GAN: variants seen among roughly 807,000 people sequenced by gnomAD.
The protein encoded by GAN is epididymis secretory sperm binding protein.
GAN carries 48 observed loss-of-function variants against 71.3 expected under a neutral mutation model. The ratio of observed to expected loss-of-function variants is 0.67; its 90% CI spans 0.53 to 0.86. The LOEUF is 0.86. Ranked by LOEUF, GAN falls within the 40% of genes least tolerant of loss-of-function variation. GAN has a pLI of 0.00. For missense variants in GAN, 928 were observed against 770.1 expected, an observed-to-expected ratio of 1.21 and a Z score of -2.43; for synonymous variants, 386 against 276.8, an observed-to-expected ratio of 1.39 and a Z score of -3.92.
intron 9 of GAN, chr16:81,371,850 C>A (rs1050866602): frequency 6.6e-6 from 1 of 152,212 alleles, no homozygotes; most frequent in Non-Finnish European, 1.5e-5. Context: ...ATTAACTTTC[C>A]ATTTCTTTCC....
chr16:81,350,980 C>G (rs1307640750), intron 1 of GAN, among the ~76,000 whole-genome samples: 5 of 152,120 alleles, frequency 3.3e-5, no homozygotes, highest in African/African-American at 1.2e-4. Flanking sequence ...ATATGCACAC[C>G]TCTATAAAAT....
At chr16:81,363,428 C>T (rs1222412594) in intron 6 of GAN, among the ~76,000 whole-genome samples, 1 of 152,158 alleles carries the variant, frequency 6.6e-6, no homozygotes, top group Non-Finnish European at 1.5e-5. Context: ...AGAAGCATTA[C>T]CGGAGAAATG....
intron 1 of GAN, among the ~76,000 whole-genome samples, chr16:81,334,934 T>C (rs944702340): frequency 6.6e-6 from 1 of 152,186 alleles, no homozygotes; most frequent in African/African-American, 2.4e-5. Flanking sequence ...GGTATGGGGA[T>C]AGAGCAGGAA....
intron 9 of GAN, among the ~76,000 whole-genome samples, chr16:81,374,704 C>A (rs1271379984): frequency 6.6e-6 from 1 of 152,204 alleles, no homozygotes; most frequent in South Asian, 2.1e-4. Context: ...TGACACACCC[C>A]CATCCTTTTT....
At chr16:81,373,880 C>T (rs555296270) in intron 9 of GAN, among the ~76,000 whole-genome samples, 2 of 152,226 alleles carry the variant, frequency 1.3e-5, no homozygotes, top group African/African-American at 2.4e-5. Context: ...GTAGCTGGGA[C>T]TACAGGCACG....
At chr16:81,343,744 C>G (rs1471696471) in intron 1 of GAN, among the ~76,000 whole-genome samples, 1 of 152,150 alleles carries the variant, frequency 6.6e-6, no homozygotes, top group Non-Finnish European at 1.5e-5. Flanking sequence ...TCCTATTCAA[C>G]ATAGTATTGG....
chr16:81,334,914 C>T (rs1027380569), intron 1 of GAN, among the ~76,000 whole-genome samples: 1 of 152,140 alleles, frequency 6.6e-6, no homozygotes, highest in African/African-American at 2.4e-5. Context: ...TGGTCAGTAC[C>T]ATTTTATTTG....
At chr16:81,321,322 A>C (rs894978712) in intron 1 of GAN, among the ~76,000 whole-genome samples, 1 of 152,234 alleles carries the variant, frequency 6.6e-6, no homozygotes, top group Admixed American at 6.5e-5. Context: ...TGATAGGAGT[A>C]AAACCTAGCT....
At chr16:81,354,282 C>A in intron 2 of GAN, 123 bp from the exon 3 acceptor site, 4 of 712,974 alleles carry the variant, frequency 5.6e-6, no homozygotes, top group Middle Eastern at 2.9e-4. Context: ...TATGAAATTG[C>A]CAATATTCGA....
intron 9 of GAN, 121 bp downstream of exon 9, chr16:81,365,599 T>C: frequency 1.1e-6 from 1 of 940,294 alleles, no homozygotes; most frequent in South Asian, 1.3e-5. Flanking sequence ...GGAGATAACG[T>C]CTCATGCATA....
intron 1 of GAN, among the ~76,000 whole-genome samples, chr16:81,324,953 A>G (rs750340163): frequency 6.6e-6 from 1 of 152,202 alleles, no homozygotes; most frequent in Non-Finnish European, 1.5e-5. Context: ...GGAGGCGGAC[A>G]CAGCAGCTGG....
rs767483792 is a variant in GAN at position 81,354,587 on chromosome 16, A to G, written c.465A>G (p.Glu155=). ...ATCACGTTCATTACCTTGCCACAGA[A>G]TACCTGGAGACTCATTTCCGAGACG... is the stretch of plus-strand genomic sequence containing the variant. ...CLHHVHYLAT[E]YLETHFRDVS... is the part of the protein sequence containing the mutation. The change falls in exon 3 of 11, where the codon GAA becomes GAG. Residue 155 remains glutamate, a synonymous_variant. Transcript: ENST00000648994. The G allele has an allele frequency of 2.5e-6, 4 of 1,614,064 alleles. No homozygotes were observed. Among genetic ancestry groups the G allele is most frequent in the South Asian group, 1.1e-5 (1 of 91,088 alleles).
At chr16:81,371,245 C>G (rs987727424) in intron 9 of GAN, among the ~76,000 whole-genome samples, 1 of 152,142 alleles carries the variant, frequency 6.6e-6, no homozygotes, top group South Asian at 2.1e-4. Flanking sequence ...CTGAGCATCA[C>G]TGTGGTAGTT....
chr16:81,333,522 G>C (rs575880433), intron 1 of GAN, among the ~76,000 whole-genome samples: 1 of 152,236 alleles, frequency 6.6e-6, no homozygotes, highest in Admixed American at 6.5e-5. Flanking sequence ...TAGCCTGGGG[G>C]GAAAAGGATT....
chr16:81,359,002 A>G (rs955979280), intron 5 of GAN, among the ~76,000 whole-genome samples: 4 of 152,192 alleles, frequency 2.6e-5, no homozygotes, highest in African/African-American at 9.7e-5. Context: ...CCCAGGCTAT[A>G]ATATTTTTAA....
intron 1 of GAN, among the ~76,000 whole-genome samples, chr16:81,346,319 C>T (rs1298532506): frequency 6.6e-6 from 1 of 152,154 alleles, no homozygotes; most frequent in African/African-American, 2.4e-5. Flanking sequence ...TAGGACACAC[C>T]CATGGCTCAC....
At chr16:81,376,631 CATATATGTGTGT>C (rs139085847) in intron 9 of GAN, among the ~76,000 whole-genome samples, 99,550 of 147,022 alleles carry the variant, frequency 0.68, 33,941 homozygotes, top group African/African-American at 0.76. Flanking sequence ...TATATACATA[CATATATGTGTGT>C]ATATATGTGT....
At position 81,374,943 on chromosome 16, in the gene GAN, T is replaced by C. The variant is rs1030138225; in HGVS notation, c.1503-2276T>C. 4.6e-5 allele frequency among the ~76,000 whole-genome samples: 7 copies of C among 152,244 alleles called. No homozygotes were observed. In the East Asian group the frequency reaches 5.8e-4, roughly 13 times the overall value. Reference sequence around the variant, plus strand: ...ATGGAAGAAAGTGAACTGTGATTCATGTCAGACCCAAAAAATTAACTTGAA... The same window carrying C: ...ATGGAAGAAAGTGAACTGTGATTCACGTCAGACCCAAAAAATTAACTTGAA... On this transcript the variant is annotated intron_variant, in intron 9 of 10. Transcript: ENST00000648994.
At chr16:81,338,153 C>G (rs1348468175) in intron 1 of GAN, among the ~76,000 whole-genome samples, 1 of 152,118 alleles carries the variant, frequency 6.6e-6, no homozygotes, top group Non-Finnish European at 1.5e-5. Flanking sequence ...TATTTGAACA[C>G]CTGAGATCCA....
Sources: gnomAD v4.1 joint callset for allele counts (sites outside exome capture counted in the v4.1 genomes callset) on GRCh38, gnomAD v4.1.1 for gene constraint, MANE v1.5 for transcripts, NCBI Gene and HGNC (gene_info 2026-07-23, HGNC 2026-07-21) for gene names.